The following MAP9 variants were observed in gnomAD, a reference collection of about 807,000 sequenced individuals.
The protein encoded by MAP9 is microtubule-associated protein 9.
A neutral mutation model predicts 75.2 loss-of-function variants in MAP9; 80 were observed. The ratio of observed to expected loss-of-function variants is 1.06; its 90% confidence interval spans 0.89 to 1.28. The LOEUF is 1.28. Among genes scored for constraint, MAP9 ranks in the 50% most tolerant of loss-of-function variants. The probability of loss-of-function intolerance (pLI) is 0.00; values close to 1 mark genes in which losing one functional copy is unlikely to be tolerated. For missense variants in MAP9, 753 were observed against 719.9 expected (o/e 1.05, Z -0.53); for synonymous variants, 235 against 237.3 (o/e 0.99, Z 0.09).
In MAP9 at chr4:155,373,451, A is replaced by C; in HGVS notation, c.166T>G (p.Leu56Val). 1.3e-6 allele frequency: 2 copies of C among 1,505,350 alleles called. No individual in the cohort carries two copies. Among genetic ancestry groups the C allele is most frequent in the East Asian group, 2.4e-5 (1 of 42,390 alleles). 93.2% of individuals were successfully genotyped at this position (1,505,350 alleles called of 1,614,324 possible). A position where few individuals can be genotyped will look rare whatever the true frequency, so the allele number is the denominator to read the frequency against. ...DDFDSDEIVS[L>V]GDFSDTSADE... ...GCTGAAGTGTCAGAAAAATCACCTAAAGAAACTGAAAAATGGAAAAGAAAA... is the reference window on the plus strand; with the variant it reads ...GCTGAAGTGTCAGAAAAATCACCTACAGAAACTGAAAAATGGAAAAGAAAA... The change falls in exon 4 of 14, where the codon TTA (leucine) becomes GTA (valine). Residue 56 changes from leucine (L) to valine (V), a missense_variant. Transcript: ENST00000311277.
intron 13 of MAP9, among the ~76,000 whole-genome samples, chr4:155,348,516 G>A (rs183380187): frequency 5.5e-4 from 83 of 152,204 alleles, no homozygotes; most frequent in South Asian, 1.5e-3. Context: ...TTATAAGTTG[G>A]TGGTGACTTC....
chr4:155,350,228 TTTCTA>T (rs146264839), intron 13 of MAP9: 9,860 of 453,874 alleles, frequency 0.022, 841 homozygotes, highest in African/African-American at 0.18. Context: ...AGGGGCAATT[TTTCTA>T]TTCTATCTGC....
chr4:155,353,349 G>GA lies in MAP9; in HGVS notation c.1381-10dup. On this transcript the variant is annotated splice_polypyrimidine_tract_variant and intron_variant, in intron 10 of 13. Transcript: ENST00000311277. ...CTTTTAGCAGCTTTTTTCTACAGTG[G>GA]AAAAAATAATAGAGTGATATACATA... 4 of 1,548,664 alleles carry GA rather than the reference G, an allele frequency of 2.6e-6. No homozygotes were observed. The highest frequency in any genetic ancestry group is 3.5e-6 in the Non-Finnish European group (4 of 1,158,890).
chr4:155,360,487 T>C (rs1732022837), intron 6 of MAP9, 72 bp from the exon 7 acceptor site: 1 of 1,427,472 alleles, frequency 7.0e-7, no homozygotes, highest in Non-Finnish European at 9.4e-7. Flanking sequence ...ATTCATTTGC[T>C]TTCTTTTAAA....
At chr4:155,369,070 C>T (rs7671031) in intron 4 of MAP9, among the ~76,000 whole-genome samples, 39,610 of 152,002 alleles carry the variant, frequency 0.26, 6,116 homozygotes, top group African/African-American at 0.44. Flanking sequence ...CGCCTGTAAT[C>T]CCAGCACGTT....
At chr4:155,349,004 C>T (rs1340347811) in intron 13 of MAP9, among the ~76,000 whole-genome samples, 2 of 152,130 alleles carry the variant, frequency 1.3e-5, no homozygotes, top group Non-Finnish European at 2.9e-5. Flanking sequence ...AAATAAACAA[C>T]AGATAATTCC....
chr4:155,343,136 AAAT>A lies in MAP9; in HGVS notation c.*4644_*4646del, dbSNP rs1284062152. Reference sequence around the variant, plus strand: ...ATGTAGTCTGACTCATTCTTATTTCAAATAATAAAAAATATGTGTATGTTTGAA... The same window carrying A: ...ATGTAGTCTGACTCATTCTTATTTCAAATAAAAAATATGTGTATGTTTGAA... On this transcript the variant is annotated 3_prime_UTR_variant, in exon 14 of 14. Transcript: ENST00000311277. The A allele has an allele frequency of 2.0e-5, 3 of 151,762 alleles. No homozygotes were observed. Among genetic ancestry groups the A allele is most frequent in the African/African-American group, 7.3e-5 (3 of 41,372 alleles). The allele number at this position is 151,762 out of a possible 1,614,324, so 9.4% of individuals were successfully genotyped here. A position where few individuals can be genotyped will look rare whatever the true frequency, so the allele number is the denominator to read the frequency against.
At chr4:155,373,056 C>G in intron 4 of MAP9, 80 bp downstream of exon 4, 1 of 888,194 alleles carries the variant, frequency 1.1e-6, no homozygotes, top group Non-Finnish European at 1.6e-6. Context: ...TATATACTAG[C>G]TACCATATAA....
chr4:155,375,889 T>C lies in MAP9; in HGVS notation c.-39A>G. ...TCGTTACCTTTATAAAATAGCTAAT[T>C]ATTAGAATTCAACTTCTGATAGTAG... On this transcript the variant is annotated 5_prime_UTR_variant, in exon 2 of 14. In the 5' UTR this introduces an upstream ATG that the reference lacks. Coordinates refer to ENST00000311277, the MANE Select transcript of MAP9 (RefSeq NM_001039580.2). 1 of 1,365,630 alleles carries C rather than the reference T, an allele frequency of 7.3e-7. No homozygotes were observed. The highest frequency in any genetic ancestry group is 1.0e-6 in the Non-Finnish European group (1 of 967,518). 84.6% of individuals were successfully genotyped at this position (1,365,630 alleles called of 1,614,324 possible). A position where few individuals can be genotyped will look rare whatever the true frequency, so the allele number is the denominator to read the frequency against.
rs552219581 is a variant in MAP9 at position 155,368,608 on chromosome 4, A to G, written c.686T>C (p.Phe229Ser). The change falls in exon 5 of 14, where the codon TTC (phenylalanine) becomes TCC (serine). Residue 229 changes from phenylalanine (F) to serine (S), a missense_variant. By Grantham distance (155) the Phe-to-Ser change is radical. Coordinates refer to ENST00000311277, the MANE Select transcript of MAP9 (RefSeq NM_001039580.2). ...GIQLEAEKKA[F>S]SENLDPEDSC... is the part of the protein sequence containing the mutation. ...AACCTCAGGATCAAGGTTTTCAGAGAATGCTTTTTTCTCAGCTTCTAATTG... is the reference window on the plus strand; with the variant it reads ...AACCTCAGGATCAAGGTTTTCAGAGGATGCTTTTTTCTCAGCTTCTAATTG... The G allele has an allele frequency of 6.2e-7, 1 of 1,614,074 alleles. No individual in the cohort carries two copies. Among genetic ancestry groups the G allele is most frequent in the African/African-American group, 1.3e-5 (1 of 75,040 alleles).
chr4:155,374,838 T>C (rs2111297250), intron 3 of MAP9, 99 bp downstream of exon 3: 1 of 611,394 alleles, frequency 1.6e-6, no homozygotes, highest in South Asian at 3.9e-5. Flanking sequence ...TATTTTAACA[T>C]ACGTGATTGA....
intron 5 of MAP9, among the ~76,000 whole-genome samples, chr4:155,366,350 C>G (rs1398066888): frequency 7.2e-6 from 1 of 138,936 alleles, no homozygotes. Flanking sequence ...TAGAACGAGA[C>G]TCTGTCTCAA....
chr4:155,342,813 T>C lies in MAP9; in HGVS notation c.*4970A>G, dbSNP rs1184062152. The stretch of plus-strand genomic sequence containing the variant: ...ACTATCTCAAAGTGTATATGTCATA[T>C]AACCTGCTGAGTTTTCTGATATTGT... On this transcript the variant is annotated 3_prime_UTR_variant, in exon 14 of 14. Coordinates refer to ENST00000311277, the MANE Select transcript of MAP9 (RefSeq NM_001039580.2). The C allele has an allele frequency of 6.6e-6, 1 of 152,080 alleles. No individual in the cohort carries two copies. The highest frequency in any genetic ancestry group is 1.5e-5 in the Non-Finnish European group (1 of 67,956). 9.4% of individuals were successfully genotyped at this position (152,080 alleles called of 1,614,324 possible).
In MAP9 at chr4:155,368,609, AT is replaced by A. The variant is rs1732436127; in HGVS notation, c.684del (p.Phe229SerfsTer12). On this transcript the variant is annotated frameshift_variant, in exon 5 of 14. Coordinates refer to ENST00000311277, the MANE Select transcript of MAP9 (RefSeq NM_001039580.2). LOFTEE classifies it high-confidence loss of function. ...ACCTCAGGATCAAGGTTTTCAGAGA[AT>A]GCTTTTTTCTCAGCTTCTAATTGTA... ...NGIQLEAEKK[A>X]FSENLDPEDS... 6.2e-7 allele frequency: 1 copy of A among 1,614,024 alleles called. No homozygotes were observed. The highest frequency in any genetic ancestry group is 1.3e-5 in the African/African-American group (1 of 74,936).
rs35437967 is a variant in MAP9 at position 155,366,358 on chromosome 4, C to CAA, written c.708+2226_708+2227dup. On this transcript the variant is annotated intron_variant, in intron 5 of 13. Transcript: ENST00000311277. Reference sequence around the variant, plus strand: ...TGGGCGATAGAACGAGACTCTGTCTCAAAAAAAAAAAAAGAAAGTAAAAGA... The same window carrying CAA: ...TGGGCGATAGAACGAGACTCTGTCTCAAAAAAAAAAAAAAAGAAAGTAAAAGA... Among the ~76,000 whole-genome samples the CAA allele has an allele frequency of 1.6e-3, 199 of 126,530 alleles. 3 individuals are homozygous for CAA. The highest frequency in any genetic ancestry group is 6.8e-3 in the South Asian group (26 of 3,804). The allele number at this position is 126,530 out of a possible 152,430, so 83.0% of individuals were successfully genotyped here.
chr4:155,363,998 C>T (rs182891221), intron 5 of MAP9, among the ~76,000 whole-genome samples: 7 of 152,046 alleles, frequency 4.6e-5, no homozygotes, highest in South Asian at 2.1e-4. Context: ...GCTCAACAAA[C>T]GTCAAGCAGA....
chr4:155,347,146 A>C lies in MAP9; in HGVS notation c.*637T>G, dbSNP rs986731039. On this transcript the variant is annotated 3_prime_UTR_variant, in exon 14 of 14. Coordinates refer to ENST00000311277, the MANE Select transcript of MAP9 (RefSeq NM_001039580.2). ...AAATTTCAGAGGTGGACTCATTATA[A>C]AGTACCTATGATTATCACATAAGCC... 2 of 152,214 alleles carry C rather than the reference A, an allele frequency of 1.3e-5. No homozygotes were observed. Among genetic ancestry groups the C allele is most frequent in the African/African-American group, 4.8e-5 (2 of 41,448 alleles). The allele number at this position is 152,214 out of a possible 1,614,324, so 9.4% of individuals were successfully genotyped here.
intron 13 of MAP9, among the ~76,000 whole-genome samples, chr4:155,348,685 T>C (rs938498543): frequency 1.3e-5 from 2 of 152,320 alleles, no homozygotes; most frequent in East Asian, 1.9e-4. Context: ...CTTTAGCCTT[T>C]TGTAAATTTT....
chr4:155,355,310 T>C, intron 9 of MAP9, 150 bp from the exon 10 acceptor site: 1 of 369,656 alleles, frequency 2.7e-6, no homozygotes, highest in Non-Finnish European at 4.8e-6. Flanking sequence ...ACTTTTAGAA[T>C]TGTGAATAAA....
Sources: gnomAD v4.1 joint callset for allele counts (sites outside exome capture counted in the v4.1 genomes callset) on GRCh38, gnomAD v4.1.1 for gene constraint, MANE v1.5 for transcripts, NCBI Gene and HGNC (gene_info 2026-07-23, HGNC 2026-07-21) for gene names.